Variants in PCDHGB5 observed in about 807,000 individuals in gnomAD.
PCDHGB5 encodes protocadherin gamma-B5.
PCDHGB5 carries 48 observed loss-of-function variants against 62.9 expected under a neutral mutation model. The ratio of observed to expected loss-of-function variants is 0.76; its 90% CI spans 0.61 to 0.97. The LOEUF is 0.97. Among genes scored for constraint, PCDHGB5 ranks in the 50% least tolerant of loss-of-function variants. The probability of loss-of-function intolerance (pLI) is 0.00; values close to 1 mark genes in which losing one functional copy is unlikely to be tolerated. For synonymous variants in PCDHGB5, 474 were observed against 511.2 expected (o/e 0.93, Z 0.98); for missense variants, 1,118 against 1,198.6 (o/e 0.93, Z 0.99).
intron 1 of PCDHGB5, chr5:141,410,797 C>T: frequency 3.0e-6 from 2 of 675,992 alleles, no homozygotes; most frequent in South Asian, 3.2e-5. Flanking sequence ...TCATAAGTTG[C>T]TCTATCTTTT....
chr5:141,460,669 TTATATATC>T (rs1176483278), intron 1 of PCDHGB5, among the ~76,000 whole-genome samples: 1 of 152,032 alleles, frequency 6.6e-6, no homozygotes, highest in African/African-American at 2.4e-5. Flanking sequence ...GTAAACACAG[TTATATATC>T]TATATATCCA....
At chr5:141,405,083 C>T in intron 1 of PCDHGB5, 1 of 1,613,942 alleles carries the variant, frequency 6.2e-7, no homozygotes, top group Non-Finnish European at 8.5e-7. Flanking sequence ...CGTTATCACG[C>T]TGCTGGCCCT....
At chr5:141,451,957 A>C (rs1019378263) in intron 1 of PCDHGB5, among the ~76,000 whole-genome samples, 3 of 152,202 alleles carry the variant, frequency 2.0e-5, no homozygotes, top group African/African-American at 7.2e-5. Context: ...AGAAAGTGAC[A>C]TACCATCATT....
At chr5:141,509,669 G>GAGAA (rs2099877764) in intron 3 of PCDHGB5, among the ~76,000 whole-genome samples, 1 of 152,180 alleles carries the variant, frequency 6.6e-6, no homozygotes, top group African/African-American at 2.4e-5. Flanking sequence ...CTGGGCCCCA[G>GAGAA]TTTCTTCTTC....
intron 1 of PCDHGB5, chr5:141,423,752 G>GC: frequency 1.6e-6 from 1 of 644,956 alleles, no homozygotes; most frequent in East Asian, 1.1e-4. Context: ...AAACTGTTTG[G>GC]GGGGGGGGTG....
chr5:141,461,429 T>A lies in PCDHGB5; in HGVS notation c.2398-33378T>A, dbSNP rs193056679. On this transcript the variant is annotated intron_variant, in intron 1 of 3. Coordinates refer to ENST00000617380, the MANE Select transcript of PCDHGB5 (RefSeq NM_018925.3). The stretch of plus-strand genomic sequence containing the variant: ...TTTTCATATGTTTGTGGGCCATTTG[T>A]ATACCTTCTTTTGAGAAATGGCTAT... Among the ~76,000 whole-genome samples the A allele has an allele frequency of 5.6e-4, 85 of 152,328 alleles. 1 individual carries two copies. The highest frequency in any genetic ancestry group is 1.5e-3 in the African/African-American group (64 of 41,580).
chr5:141,498,119 T>C (rs780741291), intron 2 of PCDHGB5, among the ~76,000 whole-genome samples: 42 of 152,192 alleles, frequency 2.8e-4, no homozygotes, highest in Non-Finnish European at 4.8e-4. Flanking sequence ...AATAGGGATT[T>C]GATTTAGGGA....
In PCDHGB5 at chr5:141,432,670, G is replaced by C; in HGVS notation, c.2397+32146G>C. On this transcript the variant is annotated intron_variant, in intron 1 of 3. Transcript: ENST00000617380. The surrounding 1 kb of genome is among the most constrained non-coding windows in gnomAD (Gnocchi z 6.0). ...CGCGAGCCCTGCTGGACAGAGACGCGCTCAAGCAGAGCCTCGTAGTGGCCG... is the reference window on the plus strand; with the variant it reads ...CGCGAGCCCTGCTGGACAGAGACGCCCTCAAGCAGAGCCTCGTAGTGGCCG... 1 of 1,613,868 alleles carries C rather than the reference G, an allele frequency of 6.2e-7. No homozygotes were observed. The highest frequency in any genetic ancestry group is 8.5e-7 in the Non-Finnish European group (1 of 1,179,940).
At chr5:141,426,398 C>A (rs1264385461) in intron 1 of PCDHGB5, 3 of 257,270 alleles carry the variant, frequency 1.2e-5, no homozygotes, top group Non-Finnish European at 2.3e-5. Context: ...TACTCTATTC[C>A]AGAAGAAACG....
chr5:141,488,606 C>T (rs781116401), intron 1 of PCDHGB5, among the ~76,000 whole-genome samples: 2 of 152,156 alleles, frequency 1.3e-5, no homozygotes, highest in Admixed American at 1.3e-4. Flanking sequence ...TTACAAGGTT[C>T]TTACTAATCT....
intron 2 of PCDHGB5, among the ~76,000 whole-genome samples, chr5:141,495,811 G>A (rs1164360438): frequency 1.3e-5 from 2 of 151,710 alleles, no homozygotes; most frequent in Admixed American, 1.3e-4. Flanking sequence ...GTTTCCTAGC[G>A]CCTTGTGTTC....
Position 141,477,833 on chromosome 5 carries a change from G to C in PCDHGB5, c.2398-16974G>C. Reference sequence around the variant, plus strand: ...CCCCCAGGTCCTATATCCTCGGCCAGGTGGGAGCTCGGTGGAGATGCTGCC... The same window carrying C: ...CCCCCAGGTCCTATATCCTCGGCCACGTGGGAGCTCGGTGGAGATGCTGCC... On this transcript the variant is annotated intron_variant, in intron 1 of 3. Transcript: ENST00000617380. This position sits in a 1 kb window ranked among gnomAD's most constrained non-coding sequence, Gnocchi z 4.9. The C allele has an allele frequency of 6.2e-7, 1 of 1,614,174 alleles. No individual in the cohort carries two copies.
At position 141,487,235 on chromosome 5, in the gene PCDHGB5, C is replaced by A. The variant is rs752316565; in HGVS notation, c.2398-7572C>A. ...TTCAGCTCCAAGGGAAGGAGAATCT[C>A]GTCTAACCCTCTACTTGGCTGTGTC... On this transcript the variant is annotated intron_variant, in intron 1 of 3. Coordinates refer to ENST00000617380, the MANE Select transcript of PCDHGB5 (RefSeq NM_018925.3). This position sits in a 1 kb window ranked among gnomAD's most constrained non-coding sequence, Gnocchi z 5.0. 11 of 1,614,126 alleles carry A rather than the reference C, an allele frequency of 6.8e-6. No homozygotes were observed. The highest frequency in any genetic ancestry group is 7.6e-6 in the Non-Finnish European group (9 of 1,179,994).
chr5:141,495,870 CCT>C (rs1183994771), intron 2 of PCDHGB5, among the ~76,000 whole-genome samples: 2 of 152,100 alleles, frequency 1.3e-5, no homozygotes. Flanking sequence ...TTTCTGCTTT[CCT>C]CTCTGTTCTT....
At chr5:141,422,090 A>T (rs762413085) in intron 1 of PCDHGB5, 1 of 1,611,852 alleles carries the variant, frequency 6.2e-7, no homozygotes, top group East Asian at 2.2e-5. Context: ...ATGGAAAGCA[A>T]GGCTTCTGAA....
chr5:141,432,706 C>G lies in PCDHGB5; in HGVS notation c.2397+32182C>G, dbSNP rs761752571. The G allele has an allele frequency of 6.2e-7, 1 of 1,613,988 alleles. No homozygotes were observed. Among genetic ancestry groups the G allele is most frequent in the African/African-American group, 1.3e-5 (1 of 75,072 alleles). Reference sequence around the variant, plus strand: ...GCCTCGTAGTGGCCGTCCAGGACCACGGCCAGCCCCCTCTCTCCGCCACTG... The same window carrying G: ...GCCTCGTAGTGGCCGTCCAGGACCAGGGCCAGCCCCCTCTCTCCGCCACTG... On this transcript the variant is annotated intron_variant, in intron 1 of 3. Transcript: ENST00000617380. The surrounding 1 kb of genome is among the most constrained non-coding windows in gnomAD (Gnocchi z 6.0).
intron 1 of PCDHGB5, chr5:141,405,449 T>A: frequency 6.2e-6 from 8 of 1,283,878 alleles, no homozygotes; most frequent in South Asian, 1.4e-5. Context: ...AGACAGAGTC[T>A]TACTCTGTTA....
chr5:141,478,155 G>A (rs138384601), intron 1 of PCDHGB5: 1 of 1,613,992 alleles, frequency 6.2e-7, no homozygotes, highest in Non-Finnish European at 8.5e-7. Context: ...TTCCCCTCTG[G>A]CTCTGCCCCC....
At chr5:141,481,035 G>C (rs1342607604) in intron 1 of PCDHGB5, among the ~76,000 whole-genome samples, 1 of 152,094 alleles carries the variant, frequency 6.6e-6, no homozygotes, top group Non-Finnish European at 1.5e-5. Flanking sequence ...TCCAGCCTGG[G>C]CGACAGAGCG....
Sources: gnomAD v4.1 joint callset for allele counts (sites outside exome capture counted in the v4.1 genomes callset) on GRCh38, gnomAD v4.1.1 for gene constraint, Gnocchi (gnomAD v3.1) non-coding constraint, MANE v1.5 for transcripts, NCBI Gene and HGNC (gene_info 2026-07-23, HGNC 2026-07-21) for gene names.